Variants in PXYLP1 observed in about 807,000 individuals in gnomAD.
The protein encoded by PXYLP1 is acid phosphatase-like 2.
Under a neutral mutation model 37.9 loss-of-function variants are expected in PXYLP1, and 17 were observed. The observed-to-expected ratio is 0.45, with a 90% CI of 0.31 to 0.67. The LOEUF (loss-of-function observed/expected upper bound fraction) is 0.67, where lower values mean the gene tolerates loss of function less well. Among genes scored for constraint, PXYLP1 ranks in the 30% least tolerant of loss-of-function variants. The probability of loss-of-function intolerance (pLI) is 0.07; values close to 1 mark genes in which losing one functional copy is unlikely to be tolerated. For synonymous variants in PXYLP1, 221 were observed against 232.2 expected (o/e 0.95, Z 0.44); for missense variants, 511 against 612.0 (o/e 0.84, Z 1.74).
chr3:141,286,199 T>C (rs1339509706), intron 4 of PXYLP1, among the ~76,000 whole-genome samples: 1 of 152,236 alleles, frequency 6.6e-6, no homozygotes, highest in Non-Finnish European at 1.5e-5. Flanking sequence ...AAAGAAAAGA[T>C]GTTTATATTC....
intron 2 of PXYLP1, among the ~76,000 whole-genome samples, chr3:141,264,304 C>T (rs1192224775): frequency 6.6e-6 from 1 of 152,130 alleles, no homozygotes; most frequent in African/African-American, 2.4e-5. Flanking sequence ...GGTAGAACTT[C>T]CTAAAAGTCA....
intron 2 of PXYLP1, 148 bp from the exon 3 acceptor site, chr3:141,278,194 G>A: frequency 1.2e-6 from 1 of 863,334 alleles, no homozygotes; most frequent in Admixed American, 2.6e-5. Flanking sequence ...CTTCTTGAAT[G>A]GGAAGCTGAC....
chr3:141,267,896 A>C (rs2311734), intron 2 of PXYLP1, among the ~76,000 whole-genome samples: 4 of 151,226 alleles, frequency 2.6e-5, no homozygotes, highest in African/African-American at 2.4e-5. Flanking sequence ...CCTCTCTCCC[A>C]CCTTCCCTTT....
In PXYLP1 at chr3:141,260,188, A is replaced by C; in HGVS notation, c.13A>C (p.Asn5His). Residue 5 changes from asparagine (N) to histidine (H), a missense_variant, in exon 2 of 6, where the codon AAC (asparagine) becomes CAC (histidine). Asn to His is a moderately conservative substitution (Grantham distance 68). Coordinates refer to ENST00000286353, the MANE Select transcript of PXYLP1 (RefSeq NM_001037172.3). ...AGAATACTTAATAATGCTTTTCCGC[A>C]ACCGCTTCTTGCTGCTGCTGGCCCT... Reference protein sequence around the residue: MLFRNRFLLLLALAA... With the variant: MLFRHRFLLLLALAA... 1.9e-6 allele frequency: 3 copies of C among 1,613,988 alleles called. No individual in the cohort carries two copies. Among genetic ancestry groups the C allele is most frequent in the Non-Finnish European group, 1.7e-6 (2 of 1,180,044 alleles).
chr3:141,251,456 T>G (rs1559882926), intron 1 of PXYLP1, among the ~76,000 whole-genome samples: 1 of 152,182 alleles, frequency 6.6e-6, no homozygotes, highest in African/African-American at 2.4e-5. Flanking sequence ...TGACCACATC[T>G]CTACAACAGT....
chr3:141,242,623 C>T (rs980625907), intron 1 of PXYLP1, among the ~76,000 whole-genome samples: 3 of 152,156 alleles, frequency 2.0e-5, no homozygotes, highest in African/African-American at 7.2e-5. Flanking sequence ...CTAGTCTAAG[C>T]CAAGGGCTGA....
At chr3:141,280,178 C>T (rs975917333) in intron 4 of PXYLP1, among the ~76,000 whole-genome samples, 1 of 152,230 alleles carries the variant, frequency 6.6e-6, no homozygotes, top group Admixed American at 6.5e-5. Flanking sequence ...AGGCACATAA[C>T]ATTCTAGCAG....
intron 2 of PXYLP1, among the ~76,000 whole-genome samples, chr3:141,269,646 G>A (rs528525814): frequency 1.3e-5 from 2 of 152,254 alleles, no homozygotes; most frequent in East Asian, 1.9e-4. Context: ...GACTGTGTTC[G>A]CATCGTCTTT....
chr3:141,259,826 G>A (rs759141663), intron 1 of PXYLP1, among the ~76,000 whole-genome samples: 5 of 152,138 alleles, frequency 3.3e-5, no homozygotes, highest in African/African-American at 9.7e-5. Flanking sequence ...CATCCTTTGC[G>A]TTTTTCCTTG....
In PXYLP1 at chr3:141,264,074, G is replaced by A. The variant is rs552835381; in HGVS notation, c.79+3820G>A. Among the ~76,000 whole-genome samples, 73 of 152,346 alleles carry A rather than the reference G, an allele frequency of 4.8e-4. 1 individual carries two copies. Among genetic ancestry groups the A allele is most frequent in the Admixed American group, 3.7e-3 (56 of 15,302 alleles). ...GGGGTTAATTTATACTGAGCACATG[G>A]CACCCATATCTGGGGTTTCCCTCTT... On this transcript the variant is annotated intron_variant, in intron 2 of 5. Coordinates refer to ENST00000286353, the MANE Select transcript of PXYLP1 (RefSeq NM_001037172.3).
intron 1 of PXYLP1, among the ~76,000 whole-genome samples, chr3:141,239,968 G>T (rs1201636880): frequency 6.6e-6 from 1 of 152,248 alleles, no homozygotes; most frequent in Non-Finnish European, 1.5e-5. Context: ...ATGAGTGGTT[G>T]CAAAGCATAT....
At chr3:141,283,160 T>A (rs1941993965) in intron 4 of PXYLP1, among the ~76,000 whole-genome samples, 1 of 151,612 alleles carries the variant, frequency 6.6e-6, no homozygotes, top group Non-Finnish European at 1.5e-5. Flanking sequence ...TTTTTTTATT[T>A]TTTAGTAGAG....
intron 2 of PXYLP1, among the ~76,000 whole-genome samples, chr3:141,278,054 G>A (rs1321199227): frequency 6.6e-6 from 1 of 152,210 alleles, no homozygotes; most frequent in African/African-American, 2.4e-5. Context: ...AGAAGTTAGT[G>A]TGTGAGTTCT....
chr3:141,234,041 T>G (rs1940599113), intron 1 of PXYLP1, among the ~76,000 whole-genome samples: 1 of 152,078 alleles, frequency 6.6e-6, no homozygotes, highest in African/African-American at 2.4e-5. Flanking sequence ...ATAGGGGTAC[T>G]CAGTGTTTGT....
At chr3:141,252,108 C>T (rs1364310359) in intron 1 of PXYLP1, among the ~76,000 whole-genome samples, 1 of 152,156 alleles carries the variant, frequency 6.6e-6, no homozygotes, top group Non-Finnish European at 1.5e-5. Flanking sequence ...CAGCTGACCC[C>T]AGGCCCATGC....
rs908139383 is a variant in PXYLP1 at position 141,268,218 on chromosome 3, T to A, written c.79+7964T>A. On this transcript the variant is annotated intron_variant, in intron 2 of 5. Coordinates refer to ENST00000286353, the MANE Select transcript of PXYLP1 (RefSeq NM_001037172.3). ...GAGAGAGAGAGAGAGTGTGTGTGTG[T>A]GTGTGTGTGTGTGTGTGTGTGTGTC... is the stretch of plus-strand genomic sequence containing the variant. 7.8e-3 allele frequency among the ~76,000 whole-genome samples: 1,165 copies of A among 149,982 alleles called. 21 individuals carry two copies. Among genetic ancestry groups the A allele is most frequent in the East Asian group, 0.064 (308 of 4,822 alleles).
rs369466128 is a variant in PXYLP1, at chr3:141,264,954, A to G, written c.79+4700A>G. On this transcript the variant is annotated intron_variant, in intron 2 of 5. Transcript: ENST00000286353. Reference sequence around the variant, plus strand: ...AATTAGAGATCATTTATGGAAGAGTAGTATGAGAGACTAGAGTACAGGAAC... The same window carrying G: ...AATTAGAGATCATTTATGGAAGAGTGGTATGAGAGACTAGAGTACAGGAAC... Among the ~76,000 whole-genome samples the G allele has an allele frequency of 3.3e-5, 5 of 152,372 alleles. No homozygotes were observed. In the East Asian group the frequency reaches 9.6e-4, roughly 29 times the overall value.
chr3:141,258,713 T>G, intron 1 of PXYLP1: 1 of 165,202 alleles, frequency 6.1e-6, no homozygotes, highest in Non-Finnish European at 1.3e-5. Context: ...ACAAACAAGC[T>G]CTATATTTGG....
chr3:141,233,650 T>C (rs1330339729), intron 1 of PXYLP1, among the ~76,000 whole-genome samples: 1 of 152,114 alleles, frequency 6.6e-6, no homozygotes, highest in Non-Finnish European at 1.5e-5. Context: ...AGGGATTGGC[T>C]CCTGGCCAGC....
Sources: allele counts gnomAD v4.1 joint callset (sites outside exome capture counted in the v4.1 genomes callset), GRCh38; gene constraint gnomAD v4.1.1; transcripts MANE v1.5; gene names NCBI Gene and HGNC (gene_info 2026-07-23, HGNC 2026-07-21).